OR2L13: variants seen among roughly 807,000 people sequenced by gnomAD.
OR2L13 encodes the protein olfactory receptor family 2 subfamily L member 13, also known as olfactory receptor 2L13.
In OR2L13, 14 loss-of-function variants were observed where a neutral mutation model predicts 15.3. The observed-to-expected ratio is 0.91, with a 90% CI of 0.60 to 1.43. OR2L13 has a LOEUF of 1.43. Ranked by LOEUF, OR2L13 falls within the 40% of genes most tolerant of loss-of-function variation. The probability of loss-of-function intolerance (pLI) is 0.00; values close to 1 mark genes in which losing one functional copy is unlikely to be tolerated. For missense variants in OR2L13, 367 were observed against 387.9 expected (o/e 0.95, Z 0.45); for synonymous variants, 152 against 142.9 (o/e 1.06, Z -0.45).
the OR2L13 span, among the ~76,000 whole-genome samples, chr1:248,036,922 T>A: frequency 6.6e-6 from 1 of 152,122 alleles, no homozygotes; most frequent in East Asian, 1.9e-4. Context: ...AATGGGAGGA[T>A]CCCTAAAGTC....
At chr1:247,989,849 T>A in the OR2L13 span, among the ~76,000 whole-genome samples, 1 of 152,124 alleles carries the variant, frequency 6.6e-6, no homozygotes, top group African/African-American at 2.4e-5. Flanking sequence ...TTGTTTTCAG[T>A]CATAGCCCAA....
the OR2L13 span, among the ~76,000 whole-genome samples, chr1:248,082,569 A>C: frequency 6.6e-6 from 1 of 152,176 alleles, no homozygotes; most frequent in Non-Finnish European, 1.5e-5. Context: ...TTTATCATAA[A>C]ACTCTCTAAG....
At chr1:248,064,935 C>T in the OR2L13 span, among the ~76,000 whole-genome samples, 1 of 152,170 alleles carries the variant, frequency 6.6e-6, no homozygotes, top group Non-Finnish European at 1.5e-5. Flanking sequence ...CTCAGGAAAG[C>T]AATAAGCTCG....
At chr1:247,974,255 A>C in the OR2L13 span, among the ~76,000 whole-genome samples, 1 of 152,104 alleles carries the variant, frequency 6.6e-6, no homozygotes, top group Non-Finnish European at 1.5e-5. Context: ...GGAACATCAC[A>C]CACCAGAACC....
chr1:248,075,629 CT>C, the OR2L13 span, among the ~76,000 whole-genome samples: 1 of 152,040 alleles, frequency 6.6e-6, no homozygotes, highest in Non-Finnish European at 1.5e-5. Flanking sequence ...TTTCATTTGT[CT>C]TTTGGCTGCA....
chr1:248,044,826 A>C, the OR2L13 span, among the ~76,000 whole-genome samples: 2 of 83,202 alleles, frequency 2.4e-5, no homozygotes, highest in Non-Finnish European at 2.0e-5. Flanking sequence ...AAAAAAAAAA[A>C]AAAAAAAAAA....
chr1:248,003,582 G>T, the OR2L13 span: 1 of 1,612,320 alleles, frequency 6.2e-7, no homozygotes, highest in African/African-American at 1.3e-5. Context: ...TGGATCATAG[G>T]CTCGATCAAT....
the OR2L13 span, among the ~76,000 whole-genome samples, chr1:247,959,297 T>C: frequency 6.6e-6 from 1 of 152,222 alleles, no homozygotes; most frequent in Non-Finnish European, 1.5e-5. Flanking sequence ...TTGTAGAGTT[T>C]CTGCTGAGAG....
chr1:248,003,986 C>G, the OR2L13 span: 10 of 1,613,872 alleles, frequency 6.2e-6, no homozygotes, highest in African/African-American at 1.2e-4. Flanking sequence ...AATGCTCAAC[C>G]CCATCATCTA....
chr1:247,988,907 A>G, the OR2L13 span, among the ~76,000 whole-genome samples: 2 of 152,178 alleles, frequency 1.3e-5, no homozygotes, highest in Non-Finnish European at 2.9e-5. Flanking sequence ...ATCCTCCTAA[A>G]TAATTGATAA....
At chr1:248,061,535 A>G in the OR2L13 span, 12 of 1,613,528 alleles carry the variant, frequency 7.4e-6, no homozygotes, top group African/African-American at 1.2e-4. Context: ...CCAATGCTCA[A>G]CCCCATCATC....
chr1:248,057,877 C>A, the OR2L13 span, among the ~76,000 whole-genome samples: 3 of 152,020 alleles, frequency 2.0e-5, no homozygotes, highest in Admixed American at 2.0e-4. Flanking sequence ...TATTATTTAT[C>A]CTAAGTTTTC....
the OR2L13 span, among the ~76,000 whole-genome samples, chr1:248,088,275 T>A: frequency 1.3e-5 from 2 of 152,256 alleles, no homozygotes; most frequent in South Asian, 2.1e-4. Flanking sequence ...AAAAAAAATC[T>A]GAAGGTGAAT....
chr1:248,025,161 A>G, the OR2L13 span, among the ~76,000 whole-genome samples: 4 of 147,880 alleles, frequency 2.7e-5, no homozygotes, highest in Non-Finnish European at 5.9e-5. Context: ...GTGAACAGGC[A>G]ACCTACAAAA....
the OR2L13 span, chr1:247,966,200 C>A: frequency 1.9e-6 from 3 of 1,613,704 alleles, no homozygotes; most frequent in Non-Finnish European, 2.5e-6. Context: ...AAGGCGGTGG[C>A]AGTATTTTAC....
the OR2L13 span, among the ~76,000 whole-genome samples, chr1:247,942,673 G>A: frequency 6.6e-6 from 1 of 152,028 alleles, no homozygotes; most frequent in African/African-American, 2.4e-5. Context: ...AATGTATTTG[G>A]AAATTAAATT....
At chr1:247,961,707 GT>G in the OR2L13 span, among the ~76,000 whole-genome samples, 2 of 152,208 alleles carry the variant, frequency 1.3e-5, no homozygotes, top group Admixed American at 1.3e-4. Flanking sequence ...GACTCCCTGT[GT>G]TTTTATTGGG....
the OR2L13 span, among the ~76,000 whole-genome samples, chr1:248,047,745 A>G: frequency 1.3e-5 from 2 of 152,208 alleles, no homozygotes; most frequent in Non-Finnish European, 2.9e-5. Flanking sequence ...TGTGAAGGCT[A>G]TATTACTCTA....
the OR2L13 span, among the ~76,000 whole-genome samples, chr1:248,072,554 G>A: frequency 6.6e-6 from 1 of 151,966 alleles, no homozygotes; most frequent in East Asian, 1.9e-4. Flanking sequence ...TACCATTCAG[G>A]ACATAGGCAT....
Sources: gnomAD v4.1 joint callset for allele counts (sites outside exome capture counted in the v4.1 genomes callset) on GRCh38, gnomAD v4.1.1 for gene constraint, MANE v1.5 for transcripts, NCBI Gene and HGNC (gene_info 2026-07-23, HGNC 2026-07-21) for gene names.